Variants in CFAP299 observed in about 807,000 individuals in gnomAD.
CFAP299 encodes the protein cilia and flagella associated protein 299.
Under a neutral mutation model 27.0 loss-of-function variants are expected in CFAP299, and 21 were observed. The ratio of observed to expected loss-of-function variants is 0.78; its 90% confidence interval spans 0.55 to 1.12. The LOEUF (loss-of-function observed/expected upper bound fraction) is 1.12, where lower values mean the gene tolerates loss of function less well. Ranked by LOEUF, CFAP299 falls within the 50% of genes most tolerant of loss-of-function variation. The pLI is 0.00. For missense variants in CFAP299, 310 were observed against 276.6 expected (o/e 1.12, Z -0.86); for synonymous variants, 104 against 98.1 (o/e 1.06, Z -0.36).
chr4:80,950,158 G>A (rs1220970625), intron 5 of CFAP299, among the ~76,000 whole-genome samples: 1 of 152,100 alleles, frequency 6.6e-6, no homozygotes, highest in African/African-American at 2.4e-5. Context: ...GAAAGAACAT[G>A]TGTGTGTGAG....
intron 5 of CFAP299, among the ~76,000 whole-genome samples, chr4:80,948,686 A>G (rs1737602393): frequency 6.6e-6 from 1 of 151,978 alleles, no homozygotes; most frequent in South Asian, 2.1e-4. Flanking sequence ...ACAACAAAAT[A>G]TATATATATT....
Position 80,944,958 on chromosome 4 carries a change from T to G in CFAP299, c.606+19T>G. 1 of 1,601,334 alleles carries G rather than the reference T, an allele frequency of 6.2e-7. No homozygotes were observed. The highest frequency in any genetic ancestry group is 1.3e-5 in the African/African-American group (1 of 74,512). On this transcript the variant is annotated intron_variant, in intron 5 of 5. Transcript: ENST00000358105. ...CCCAAAGGTAATTCTTCTTTTACACTTAGTTAGTTACCTCTTCACATGTTA... is the reference window on the plus strand; with the variant it reads ...CCCAAAGGTAATTCTTCTTTTACACGTAGTTAGTTACCTCTTCACATGTTA...
At chr4:80,683,523 T>A (rs1045166796) in intron 3 of CFAP299, among the ~76,000 whole-genome samples, 26 of 152,236 alleles carry the variant, frequency 1.7e-4, no homozygotes, top group African/African-American at 6.0e-4. Flanking sequence ...TTCACTAACC[T>A]ATTATGGATC....
intron 4 of CFAP299, among the ~76,000 whole-genome samples, chr4:80,931,391 T>G (rs1486899946): frequency 6.6e-6 from 1 of 152,094 alleles, no homozygotes; most frequent in Non-Finnish European, 1.5e-5. Context: ...GGAGGCATGA[T>G]GGATGATGGT....
At chr4:80,575,544 T>C (rs527632965) in intron 2 of CFAP299, among the ~76,000 whole-genome samples, 1 of 152,144 alleles carries the variant, frequency 6.6e-6, no homozygotes, top group Non-Finnish European at 1.5e-5. Flanking sequence ...CTTTTTTTTT[T>C]CGCAGTCTGG....
At chr4:80,330,892 G>A (rs149720712), upstream of CFAP299, among the ~76,000 whole-genome samples, 13 of 152,240 alleles carry the variant, frequency 8.5e-5, no homozygotes, top group East Asian at 2.1e-3. Context: ...TATGTTCCAG[G>A]TACTACGTTA....
At chr4:80,512,240 G>T (rs1321110127) in intron 2 of CFAP299, among the ~76,000 whole-genome samples, 4 of 151,870 alleles carry the variant, frequency 2.6e-5, no homozygotes, top group Admixed American at 2.6e-4. Flanking sequence ...GTGTGTGTGT[G>T]TGTGCATGTG....
At chr4:80,666,784 G>A (rs1174096662) in intron 3 of CFAP299, among the ~76,000 whole-genome samples, 1 of 152,198 alleles carries the variant, frequency 6.6e-6, no homozygotes, top group Non-Finnish European at 1.5e-5. Flanking sequence ...AAAAGCAGTA[G>A]TCACACTCAC....
intron 3 of CFAP299, among the ~76,000 whole-genome samples, chr4:80,619,459 T>C (rs1738463298): frequency 1.3e-5 from 2 of 152,146 alleles, no homozygotes; most frequent in Admixed American, 1.3e-4. Context: ...TTCCACAACC[T>C]TTATTATTCT....
At chr4:80,747,080 C>T (rs1724654724) in intron 3 of CFAP299, among the ~76,000 whole-genome samples, 1 of 151,920 alleles carries the variant, frequency 6.6e-6, no homozygotes, top group African/African-American at 2.4e-5. Flanking sequence ...TCTGTTCTCC[C>T]TTCTGCTTTC....
At chr4:80,744,211 A>G (rs1724451549) in intron 3 of CFAP299, among the ~76,000 whole-genome samples, 1 of 152,176 alleles carries the variant, frequency 6.6e-6, no homozygotes, top group African/African-American at 2.4e-5. Context: ...TTTTCAAGAA[A>G]GCAATATAAT....
intron 2 of CFAP299, among the ~76,000 whole-genome samples, chr4:80,400,563 C>T (rs1159692174): frequency 6.6e-6 from 1 of 152,176 alleles, no homozygotes; most frequent in East Asian, 1.9e-4. Context: ...CTTGCTACCG[C>T]CATGTAAGAA....
At chr4:80,375,279 A>G (rs1176521803) in intron 2 of CFAP299, among the ~76,000 whole-genome samples, 2 of 152,206 alleles carry the variant, frequency 1.3e-5, no homozygotes, top group Admixed American at 6.5e-5. Flanking sequence ...TAGGGCATCA[A>G]TGCAATTTAA....
chr4:80,563,677 A>C (rs1165426042), intron 2 of CFAP299, among the ~76,000 whole-genome samples: 1 of 152,008 alleles, frequency 6.6e-6, no homozygotes, highest in Non-Finnish European at 1.5e-5. Context: ...AAATTAGTAG[A>C]AGGAAAGGAA....
intron 2 of CFAP299, among the ~76,000 whole-genome samples, chr4:80,450,910 TGA>T (rs747424603): frequency 1.6e-4 from 23 of 147,536 alleles, no homozygotes; most frequent in Admixed American, 3.4e-4. Context: ...TGTGTGTGTG[TGA>T]GAGAGAGAGA....
At chr4:80,464,030 A>T (rs942051888) in intron 2 of CFAP299, among the ~76,000 whole-genome samples, 1 of 152,106 alleles carries the variant, frequency 6.6e-6, no homozygotes, top group African/African-American at 2.4e-5. Flanking sequence ...AAATCATGTT[A>T]TTTTTGGCTG....
intron 3 of CFAP299, among the ~76,000 whole-genome samples, chr4:80,588,873 G>A (rs952921979): frequency 6.6e-6 from 1 of 152,046 alleles, no homozygotes; most frequent in Non-Finnish European, 1.5e-5. Flanking sequence ...TATGAAATAG[G>A]CATTATTTTT....
At position 80,473,311 on chromosome 4, in the gene CFAP299, A is replaced by G. The variant is rs549658120; in HGVS notation, c.243-109782A>G. ...GCACAAGAGTATGTGTGAATTCCCA[A>G]AGCCAATAACTTATTTCTTTAAGAC... is the stretch of plus-strand genomic sequence containing the variant. On this transcript the variant is annotated intron_variant, in intron 2 of 5. Coordinates refer to ENST00000358105, the MANE Select transcript of CFAP299 (RefSeq NM_152770.3). Among the ~76,000 whole-genome samples, 76 of 152,256 alleles carry G rather than the reference A, an allele frequency of 5.0e-4. 1 individual carries two copies. The highest frequency in any genetic ancestry group is 1.8e-3 in the African/African-American group (73 of 41,550).
At chr4:80,608,352 A>T (rs1255379151) in intron 3 of CFAP299, 5 of 1,531,738 alleles carry the variant, frequency 3.3e-6, no homozygotes, top group South Asian at 1.2e-5. Flanking sequence ...CAGGAGACTG[A>T]TGCTGCTCAT....
Sources: allele counts gnomAD v4.1 joint callset (sites outside exome capture counted in the v4.1 genomes callset), GRCh38; gene constraint gnomAD v4.1.1; transcripts MANE v1.5; gene names NCBI Gene and HGNC (gene_info 2026-07-23, HGNC 2026-07-21).